Variants in ZNF454 observed in about 807,000 individuals in gnomAD.
ZNF454 encodes zinc finger protein 454.
ZNF454 carries 30 observed loss-of-function variants against 48.2 expected under a neutral mutation model. The ratio of observed to expected loss-of-function variants is 0.62; its 90% CI spans 0.47 to 0.84. The LOEUF is 0.84. ZNF454 is among the 40% of genes least tolerant of loss of function. The pLI is 0.00. For missense variants in ZNF454, 510 were observed against 623.1 expected, an observed-to-expected ratio of 0.82 and a Z score of 1.93; for synonymous variants, 204 against 211.4, an observed-to-expected ratio of 0.97 and a Z score of 0.30.
At chr5:178,983,088 C>G in the ZNF454 span, 1 of 1,613,882 alleles carries the variant, frequency 6.2e-7, no homozygotes, top group African/African-American at 1.3e-5. Flanking sequence ...GCCCAGGCAG[C>G]CGATGAGAGA....
the ZNF454 span, chr5:178,979,782 A>G: frequency 1.3e-5 from 2 of 152,638 alleles, no homozygotes; most frequent in African/African-American, 4.8e-5. Flanking sequence ...AGACATGAGA[A>G]AACAGCAAAT....
the ZNF454 span, among the ~76,000 whole-genome samples, chr5:178,988,529 G>A: frequency 2.0e-5 from 3 of 152,200 alleles, no homozygotes; most frequent in Non-Finnish European, 4.4e-5. This position sits in a 1 kb window ranked among gnomAD's most constrained non-coding sequence, Gnocchi z 6.0. Flanking sequence ...CCACGCCTGT[G>A]CCTGGCGCAT....
intron 4 of ZNF454, among the ~76,000 whole-genome samples, chr5:178,954,056 C>T (rs9329060): frequency 0.19 from 29,479 of 152,012 alleles, 3,011 homozygotes; most frequent in South Asian, 0.24. Flanking sequence ...GTCAGAAGTT[C>T]GAGACCAGCC....
Position 178,946,124 on chromosome 5 carries a change from G to A in ZNF454, c.34-235G>A, listed in dbSNP as rs1007146855. Among the ~76,000 whole-genome samples, 9 of 152,106 alleles carry A rather than the reference G, an allele frequency of 5.9e-5. No individual in the cohort carries two copies. Among genetic ancestry groups the A allele is most frequent in the African/African-American group, 2.2e-4 (9 of 41,388 alleles). ...ATGGCAAGTTGGAAGTCCCAGTGCT[G>A]AGAAAGCCTATCTTCGCCACCATAT... On this transcript the variant is annotated intron_variant, in intron 2 of 4. Coordinates refer to ENST00000519564, the MANE Select transcript of ZNF454 (RefSeq NM_001178089.3). The surrounding 1 kb of genome is among the most constrained non-coding windows in gnomAD (Gnocchi z 4.5).
intron 4 of ZNF454, among the ~76,000 whole-genome samples, chr5:178,954,250 G>T (rs77258385): frequency 0.068 from 10,309 of 151,908 alleles, 444 homozygotes; most frequent in Non-Finnish European, 0.097. Context: ...GTGCCAGGCT[G>T]GACAACAGCT....
At chr5:178,968,261 G>A (rs116563348), downstream of ZNF454, among the ~76,000 whole-genome samples, 70 of 152,262 alleles carry the variant, frequency 4.6e-4, no homozygotes, top group African/African-American at 1.6e-3. Flanking sequence ...GGAAAGTGAA[G>A]TGGCAAGTTC....
chr5:178,986,260 T>C, the ZNF454 span: 8 of 1,613,640 alleles, frequency 5.0e-6, no homozygotes, highest in South Asian at 8.8e-5. Flanking sequence ...CAGGGCAGAG[T>C]AGCTGAGGGT....
chr5:178,970,512 G>A (rs150479372), downstream of ZNF454, among the ~76,000 whole-genome samples: 65 of 152,248 alleles, frequency 4.3e-4, no homozygotes, highest in African/African-American at 1.5e-3. Flanking sequence ...CCTGTGTTCC[G>A]TCTGCCACCC....
the ZNF454 span, chr5:178,986,306 A>G: frequency 6.2e-7 from 1 of 1,614,032 alleles, no homozygotes; most frequent in Non-Finnish European, 8.5e-7. Flanking sequence ...CGGGCGGCAC[A>G]GACCGCGGCC....
the ZNF454 span, chr5:178,986,415 C>T: frequency 5.3e-5 from 85 of 1,613,542 alleles, no homozygotes; most frequent in East Asian, 1.3e-3. Context: ...GGACGATGGG[C>T]GTGTTGTTGT....
intron 4 of ZNF454, among the ~76,000 whole-genome samples, chr5:178,962,987 A>G (rs374895325): frequency 2.0e-5 from 3 of 151,790 alleles, no homozygotes; most frequent in African/African-American, 7.2e-5. Flanking sequence ...ACATGTTATT[A>G]TGACCTCTCC....
chr5:178,985,608 C>A, the ZNF454 span: 9 of 352,166 alleles, frequency 2.6e-5, no homozygotes, highest in South Asian at 4.3e-5. Flanking sequence ...GAGGCTGAGG[C>A]AGGAGAATGG....
the ZNF454 span, chr5:178,981,876 C>A: frequency 6.8e-7 from 1 of 1,473,366 alleles, no homozygotes; most frequent in Non-Finnish European, 9.5e-7. The surrounding 1 kb of genome is among the most constrained non-coding windows in gnomAD (Gnocchi z 5.1). Context: ...AAGAGGGGAC[C>A]AGATGGGACT....
At chr5:178,987,417 A>G in the ZNF454 span, 1 of 459,054 alleles carries the variant, frequency 2.2e-6, no homozygotes, top group Non-Finnish European at 4.4e-6. Context: ...CCGAGCGTCC[A>G]CTGACAGAAG....
At chr5:178,981,201 T>TTAAAAAA in the ZNF454 span, 1 of 189,816 alleles carries the variant, frequency 5.3e-6, no homozygotes, top group Non-Finnish European at 1.1e-5. This position sits in a 1 kb window ranked among gnomAD's most constrained non-coding sequence, Gnocchi z 5.1. Flanking sequence ...CCAGGTCTCC[T>TTAAAAAA]CTTGCTGAGA....
the ZNF454 span, chr5:178,985,488 G>A: frequency 1.0e-4 from 35 of 342,822 alleles, no homozygotes; most frequent in Middle Eastern, 1.1e-3. Context: ...CGGATCACGA[G>A]GTCAGGAGAT....
At chr5:178,981,688 G>C in the ZNF454 span, 6 of 1,613,922 alleles carry the variant, frequency 3.7e-6, no homozygotes, top group African/African-American at 6.7e-5. This position sits in a 1 kb window ranked among gnomAD's most constrained non-coding sequence, Gnocchi z 5.1. Context: ...CTCGCCCTTG[G>C]GTGGGGCTGC....
the ZNF454 span, among the ~76,000 whole-genome samples, chr5:178,972,065 T>G: frequency 6.6e-6 from 1 of 151,850 alleles, no homozygotes; most frequent in Admixed American, 6.6e-5. Context: ...TCCCTAGTAG[T>G]TGGGATTACA....
Position 178,964,618 on chromosome 5 carries a change from G to A in ZNF454, c.251-37G>A, listed in dbSNP as rs373280179. On this transcript the variant is annotated intron_variant, in intron 4 of 4. Coordinates refer to ENST00000519564, the MANE Select transcript of ZNF454 (RefSeq NM_001178089.3). ...CTTGCCCCATCCAAATGTTTTGCTA[G>A]GGTAAAACAGACATTTTTATTTTTA... The A allele has an allele frequency of 2.6e-5, 40 of 1,512,352 alleles. No homozygotes were observed. In the African/African-American group the frequency reaches 5.0e-4, roughly 19 times the overall value. 93.7% of individuals were successfully genotyped at this position (1,512,352 alleles called of 1,614,324 possible).
Sources: allele counts gnomAD v4.1 joint callset (sites outside exome capture counted in the v4.1 genomes callset), GRCh38; gene constraint gnomAD v4.1.1; non-coding constraint Gnocchi (gnomAD v3.1); transcripts MANE v1.5; gene names NCBI Gene and HGNC (gene_info 2026-07-23, HGNC 2026-07-21).